Variants in L3MBTL4 observed in about 807,000 individuals in gnomAD.
The protein encoded by L3MBTL4 is lethal(3)malignant brain tumor-like protein 4.
L3MBTL4 carries 70 observed loss-of-function variants against 84.5 expected under a neutral mutation model. That is an observed-to-expected ratio of 0.83 (90% CI 0.68 to 1.01). The LOEUF (loss-of-function observed/expected upper bound fraction) is 1.01, where lower values mean the gene tolerates loss of function less well. Ranked by LOEUF, L3MBTL4 falls within the 50% of genes least tolerant of loss-of-function variation. The probability of loss-of-function intolerance (pLI) is 0.00; values close to 1 mark genes in which losing one functional copy is unlikely to be tolerated. For missense variants in L3MBTL4, 715 were observed against 754.8 expected (o/e 0.95, Z 0.62); for synonymous variants, 274 against 259.8 (o/e 1.05, Z -0.52).
intron 4 of L3MBTL4, among the ~76,000 whole-genome samples, chr18:6,281,266 G>A (rs2049308724): frequency 6.6e-6 from 1 of 152,158 alleles, no homozygotes; most frequent in Admixed American, 6.5e-5. Context: ...CAGGTTCACT[G>A]TATGAAATAC....
At chr18:6,028,602 A>C (rs1404590435) in intron 16 of L3MBTL4, among the ~76,000 whole-genome samples, 2 of 152,232 alleles carry the variant, frequency 1.3e-5, no homozygotes, top group South Asian at 4.1e-4. Context: ...TGGGAATAGC[A>C]TTGAATCCAT....
chr18:6,197,233 A>C (rs2045441758), intron 12 of L3MBTL4, among the ~76,000 whole-genome samples: 1 of 152,166 alleles, frequency 6.6e-6, no homozygotes, highest in Admixed American at 6.5e-5. Context: ...CATAGCATGC[A>C]TTAGCTATTT....
chr18:6,341,435 C>A (rs545485391), intron 1 of L3MBTL4, among the ~76,000 whole-genome samples: 19 of 151,998 alleles, frequency 1.3e-4, no homozygotes, highest in African/African-American at 4.6e-4. Flanking sequence ...AAGATACACA[C>A]CTTTAAAAAG....
At chr18:6,149,497 C>T (rs112684947) in intron 13 of L3MBTL4, among the ~76,000 whole-genome samples, 6 of 151,384 alleles carry the variant, frequency 4.0e-5, no homozygotes, top group Admixed American at 1.3e-4. Context: ...TGAATAGTGC[C>T]GCAATAAACA....
intron 16 of L3MBTL4, among the ~76,000 whole-genome samples, chr18:6,077,343 C>A (rs947410590): frequency 3.3e-5 from 5 of 152,046 alleles, no homozygotes; most frequent in Non-Finnish European, 7.4e-5. Flanking sequence ...TTTATCATTA[C>A]AAAGTAATTA....
chr18:6,302,867 T>A (rs976586641), intron 3 of L3MBTL4, among the ~76,000 whole-genome samples: 2 of 152,054 alleles, frequency 1.3e-5, no homozygotes, highest in African/African-American at 4.8e-5. Flanking sequence ...GGCATGTGCC[T>A]GAAACCCCAG....
intron 4 of L3MBTL4, among the ~76,000 whole-genome samples, chr18:6,285,208 A>G (rs111744899): frequency 0.05 from 7,591 of 152,284 alleles, 568 homozygotes; most frequent in African/African-American, 0.16. Context: ...GGTGGAGCCC[A>G]CGTGGGATGA....
intron 16 of L3MBTL4, among the ~76,000 whole-genome samples, chr18:6,024,725 G>A (rs1400915863): frequency 6.6e-6 from 1 of 152,152 alleles, no homozygotes; most frequent in African/African-American, 2.4e-5. Context: ...TAAAAAGACA[G>A]GGATAAATTC....
intron 15 of L3MBTL4, among the ~76,000 whole-genome samples, chr18:6,086,437 G>T (rs1436365585): frequency 2.6e-5 from 4 of 152,114 alleles, no homozygotes; most frequent in Non-Finnish European, 5.9e-5. Context: ...GACATGGCAT[G>T]GCATCCATGG....
intron 4 of L3MBTL4, among the ~76,000 whole-genome samples, chr18:6,266,785 T>A (rs533492675): frequency 6.6e-6 from 1 of 152,142 alleles, no homozygotes; most frequent in Non-Finnish European, 1.5e-5. Flanking sequence ...TAGCCAGGTA[T>A]AATGGTGCAT....
intron 14 of L3MBTL4, among the ~76,000 whole-genome samples, chr18:6,128,947 C>T (rs1355253587): frequency 6.6e-6 from 1 of 151,910 alleles, no homozygotes; most frequent in Non-Finnish European, 1.5e-5. Flanking sequence ...AGTCAAAAGC[C>T]AAATGGAGAA....
chr18:6,359,529 CT>C (rs1014650609), intron 1 of L3MBTL4, among the ~76,000 whole-genome samples: 3 of 151,200 alleles, frequency 2.0e-5, no homozygotes, highest in South Asian at 2.1e-4. Flanking sequence ...TCTCTAAACA[CT>C]TTTTTTTTCA....
chr18:6,078,878 T>TG (rs1401713117), intron 16 of L3MBTL4, among the ~76,000 whole-genome samples: 3 of 152,288 alleles, frequency 2.0e-5, no homozygotes, highest in South Asian at 4.1e-4. Context: ...CAGTCCCATC[T>TG]GGGGGTGATG....
intron 14 of L3MBTL4, among the ~76,000 whole-genome samples, chr18:6,122,484 C>T (rs527482233): frequency 4.5e-4 from 69 of 152,314 alleles, no homozygotes; most frequent in East Asian, 3.9e-3. Flanking sequence ...CTCACAATAT[C>T]TGATGGTAAT....
At chr18:6,172,271 C>T (rs957275887) in intron 12 of L3MBTL4, among the ~76,000 whole-genome samples, 9 of 152,210 alleles carry the variant, frequency 5.9e-5, no homozygotes, top group South Asian at 4.2e-4. Flanking sequence ...TTGTCCTGAG[C>T]GACTGTCCTA....
chr18:6,116,881 G>A (rs1306195778), intron 14 of L3MBTL4, among the ~76,000 whole-genome samples: 1 of 152,178 alleles, frequency 6.6e-6, no homozygotes, highest in African/African-American at 2.4e-5. Context: ...TCCAAACCCT[G>A]TGTTGACCTT....
chr18:6,388,716 T>C (rs1293504280), intron 1 of L3MBTL4, among the ~76,000 whole-genome samples: 1 of 152,252 alleles, frequency 6.6e-6, no homozygotes, highest in East Asian at 1.9e-4. Context: ...ATATTTGTTT[T>C]GTATTCTTTT....
At chr18:6,345,816 A>G (rs1322349669) in intron 1 of L3MBTL4, among the ~76,000 whole-genome samples, 1 of 152,134 alleles carries the variant, frequency 6.6e-6, no homozygotes, top group Non-Finnish European at 1.5e-5. Context: ...AGAAATAGGA[A>G]AAACTATCCT....
At chr18:6,369,852 A>C (rs1011876511) in intron 1 of L3MBTL4, among the ~76,000 whole-genome samples, 1 of 152,128 alleles carries the variant, frequency 6.6e-6, no homozygotes, top group Non-Finnish European at 1.5e-5. Flanking sequence ...AGAAAGCACC[A>C]GTGGGGCACA....
Sources: allele counts gnomAD v4.1 joint callset (sites outside exome capture counted in the v4.1 genomes callset), GRCh38; gene constraint gnomAD v4.1.1; transcripts MANE v1.5; gene names NCBI Gene and HGNC (gene_info 2026-07-23, HGNC 2026-07-21).